IZUMO1R: variants seen among roughly 807,000 people sequenced by gnomAD.
IZUMO1R encodes IZUMO1 receptor, JUNO.
A neutral mutation model predicts 22.1 loss-of-function variants in IZUMO1R; 24 were observed. The observed-to-expected ratio is 1.09, with a 90% CI of 0.79 to 1.53. IZUMO1R has a LOEUF of 1.53. IZUMO1R is among the 40% of genes most tolerant of loss of function. IZUMO1R has a pLI of 0.00. For synonymous variants in IZUMO1R, 133 were observed against 121.2 expected (o/e 1.10, Z -0.64); for missense variants, 308 against 314.9 (o/e 0.98, Z 0.17).
chr11:94,306,355 T>C (rs1195234270), intron 2 of IZUMO1R, among the ~76,000 whole-genome samples, 158 bp from the exon 3 acceptor site: 1 of 152,060 alleles, frequency 6.6e-6, no homozygotes, highest in Admixed American at 6.6e-5. Context: ...TATTGAGAGA[T>C]TATCAGGGTT....
Position 94,307,837 on chromosome 11 carries a change from ACTG to A in IZUMO1R, c.*148_*150del. On this transcript the variant is annotated 3_prime_UTR_variant, in exon 5 of 5. Coordinates refer to ENST00000687084, the MANE Select transcript of IZUMO1R (RefSeq NM_001199206.4). The stretch of plus-strand genomic sequence containing the variant: ...AGTCCCACCCAGTCTAGCCCATGCC[ACTG>A]CTTTTAGGGGAGGGCCTGAGGAAGG... The A allele has an allele frequency of 4.4e-6, 1 of 228,602 alleles. No individual in the cohort carries two copies. The highest frequency in any genetic ancestry group is 9.9e-5 in the East Asian group (1 of 10,102). The allele number at this position is 228,602 out of a possible 1,614,324, so 14.2% of individuals were successfully genotyped here.
chr11:94,305,693 T>C lies in IZUMO1R; in HGVS notation c.57T>C (p.Ala19=). The C allele has an allele frequency of 6.8e-6, 11 of 1,613,346 alleles. No homozygotes were observed. Among genetic ancestry groups the C allele is most frequent in the Non-Finnish European group, 9.3e-6 (11 of 1,179,738 alleles). ...LELWTVMPTW[A]GDELLNICMN... ...TGTGGACAGTCATGCCCACCTGGGCTGGGGACGAGCTGCTCAACATCTGCA... is the reference window on the plus strand; with the variant it reads ...TGTGGACAGTCATGCCCACCTGGGCCGGGGACGAGCTGCTCAACATCTGCA... The change falls in exon 2 of 5, where the codon GCT becomes GCC. Residue 19 remains alanine, a synonymous_variant. Transcript: ENST00000687084.
At chr11:94,305,523 T>A in intron 1 of IZUMO1R, 108 bp from the exon 2 acceptor site, 1 of 1,318,424 alleles carries the variant, frequency 7.6e-7, no homozygotes, top group Non-Finnish European at 1.1e-6. Context: ...GTGTTGCAAT[T>A]ATTTGAGGGA....
At chr11:94,305,606 G>T in intron 1 of IZUMO1R, 25 bp from the exon 2 acceptor site, 7 of 1,610,144 alleles carry the variant, frequency 4.3e-6, no homozygotes, top group Non-Finnish European at 5.1e-6. Context: ...TTTCCATCAA[G>T]TGTGCAGCAT....
chr11:94,305,999 G>A (rs1013450180), intron 2 of IZUMO1R, among the ~76,000 whole-genome samples: 8 of 151,476 alleles, frequency 5.3e-5, no homozygotes, highest in Non-Finnish European at 8.8e-5. Flanking sequence ...AGCAGGGACC[G>A]CTGGTGATCC....
chr11:94,307,652 C>A lies in IZUMO1R; in HGVS notation c.713C>A (p.Thr238Asn), dbSNP rs1489974290. The change falls in exon 5 of 5, where the codon ACC becomes AAC. Residue 238 changes from threonine to asparagine, a missense_variant. Thr to Asn is a moderately conservative substitution (Grantham distance 65, BLOSUM62 0). Coordinates refer to ENST00000687084, the MANE Select transcript of IZUMO1R (RefSeq NM_001199206.4). Reference sequence around the variant, plus strand: ...GCCCCATCCTGGGAACTGTCCTACACCATCATGGTCTGCTCCCTGTTCCTG... The same window carrying A: ...GCCCCATCCTGGGAACTGTCCTACAACATCATGGTCTGCTCCCTGTTCCTG... ...SSAPSWELSY[T>N]IMVCSLFLPF... The A allele has an allele frequency of 6.2e-7, 1 of 1,613,724 alleles. No homozygotes were observed. Among genetic ancestry groups the A allele is most frequent in the Non-Finnish European group, 8.5e-7 (1 of 1,179,808 alleles).
Position 94,307,152 on chromosome 11 carries a change from T to C in IZUMO1R, c.349-13T>C. On this transcript the variant is annotated splice_polypyrimidine_tract_variant and intron_variant, in intron 3 of 4. Transcript: ENST00000687084. ...CTATTAATGTTCTAATCTCTGGCTA[T>C]GACTGCACCCAGGTGGCCCCGAGTG... 1 of 1,586,166 alleles carries C rather than the reference T, an allele frequency of 6.3e-7. No homozygotes were observed. The highest frequency in any genetic ancestry group is 1.2e-5 in the South Asian group (1 of 86,784).
At chr11:94,307,361 G>T (rs893972409) in intron 4 of IZUMO1R, 61 bp downstream of exon 4, 23 of 1,611,920 alleles carry the variant, frequency 1.4e-5, no homozygotes, top group Non-Finnish European at 1.9e-5. Flanking sequence ...CCACAAGGGT[G>T]CAGGTGCAAA....
intron 2 of IZUMO1R, 95 bp downstream of exon 2, chr11:94,305,869 G>C (rs1293915672): frequency 7.1e-7 from 1 of 1,413,770 alleles, no homozygotes; most frequent in African/African-American, 1.4e-5. Flanking sequence ...CTGATCATTT[G>C]GTTCCTGGGG....
At chr11:94,306,188 G>T (rs1944016999) in intron 2 of IZUMO1R, among the ~76,000 whole-genome samples, 1 of 151,988 alleles carries the variant, frequency 6.6e-6, no homozygotes, top group African/African-American at 2.4e-5. Flanking sequence ...TGCAACCCCA[G>T]ATTCCCCTGG....
At position 94,304,674 on chromosome 11, in the gene IZUMO1R, G is replaced by A. The variant is rs1317325327; in HGVS notation, c.-212G>A. On this transcript the variant is annotated 5_prime_UTR_variant, in exon 1 of 5. Coordinates refer to ENST00000687084, the MANE Select transcript of IZUMO1R (RefSeq NM_001199206.4). Reference sequence around the variant, plus strand: ...CTACGATGGGGTCTGTTTCTCTGAGGAAGCAAACTTCCTCGGAACCCACAG... The same window carrying A: ...CTACGATGGGGTCTGTTTCTCTGAGAAAGCAAACTTCCTCGGAACCCACAG... Among the ~76,000 whole-genome samples, 1 of 152,118 alleles carries A rather than the reference G, an allele frequency of 6.6e-6. No homozygotes were observed. Among genetic ancestry groups the A allele is most frequent in the Non-Finnish European group, 1.5e-5 (1 of 68,016 alleles).
intron 1 of IZUMO1R, 152 bp from the exon 2 acceptor site, chr11:94,305,479 C>A: frequency 2.4e-6 from 2 of 843,482 alleles, no homozygotes; most frequent in Non-Finnish European, 3.8e-6. Context: ...TTCTGTGATG[C>A]TGCCTCCAAA....
rs528094426 is a variant in IZUMO1R at position 94,307,874 on chromosome 11, C to G, written c.*182C>G. Among the ~76,000 whole-genome samples, 116 of 151,406 alleles carry G rather than the reference C, an allele frequency of 7.7e-4. No individual in the cohort carries two copies. The highest frequency in any genetic ancestry group is 3.4e-3 in the Middle Eastern group (1 of 294). On this transcript the variant is annotated 3_prime_UTR_variant, in exon 5 of 5. Transcript: ENST00000687084. ...GGAGGGCCTGAGGAAGGAAGTGCCC[C>G]TGAGGCTTCAGCGGCTGGTGCCTGC... is the stretch of plus-strand genomic sequence containing the variant.
At chr11:94,305,578 G>T in intron 1 of IZUMO1R, 53 bp from the exon 2 acceptor site, 1 of 1,598,752 alleles carries the variant, frequency 6.3e-7, no homozygotes, top group Non-Finnish European at 8.5e-7. Flanking sequence ...ATGATGAAGG[G>T]GGTGGAGTGG....
chr11:94,306,795 G>A, intron 3 of IZUMO1R, 73 bp downstream of exon 3: 1 of 1,444,954 alleles, frequency 6.9e-7, no homozygotes, highest in South Asian at 1.2e-5. Context: ...TTATGCTGAT[G>A]CCGCCAGGAT....
intron 1 of IZUMO1R, 87 bp from the exon 2 acceptor site, chr11:94,305,544 C>T (rs1944006135): frequency 1.4e-6 from 2 of 1,478,574 alleles, no homozygotes; most frequent in African/African-American, 1.4e-5. Context: ...GATTGAAGCC[C>T]ATCCCCCTTT....
chr11:94,306,821 A>T, intron 3 of IZUMO1R, 99 bp downstream of exon 3: 1 of 1,225,282 alleles, frequency 8.2e-7, no homozygotes, highest in East Asian at 2.5e-5. Context: ...TAGGAACAGG[A>T]GGTGTTATTT....
chr11:94,306,372 A>C, intron 2 of IZUMO1R, 141 bp from the exon 3 acceptor site: 1 of 748,620 alleles, frequency 1.3e-6, no homozygotes. Flanking sequence ...GGTTCCTCTT[A>C]TGTAGGGGCT....
chr11:94,305,836 A>G (rs771495042), intron 2 of IZUMO1R, 62 bp downstream of exon 2: 3 of 1,570,974 alleles, frequency 1.9e-6, no homozygotes, highest in Non-Finnish European at 1.7e-6. Flanking sequence ...AAATGCCAAG[A>G]TGGTCTCCGA....
Sources: allele counts gnomAD v4.1 joint callset (sites outside exome capture counted in the v4.1 genomes callset), GRCh38; gene constraint gnomAD v4.1.1; transcripts MANE v1.5; gene names NCBI Gene and HGNC (gene_info 2026-07-23, HGNC 2026-07-21).